ATRNL1: variants seen among roughly 807,000 people sequenced by gnomAD.
ATRNL1 encodes attractin like 1, also known as attractin-like protein 1.
Under a neutral mutation model 182.7 loss-of-function variants are expected in ATRNL1, and 95 were observed. The observed-to-expected ratio is 0.52, with a 90% CI of 0.44 to 0.62. The LOEUF (loss-of-function observed/expected upper bound fraction) is 0.62. Ranked by LOEUF, ATRNL1 falls within the 20% of genes least tolerant of loss-of-function variation. ATRNL1 has a pLI of 0.00. For synonymous variants in ATRNL1, 576 were observed against 568.3 expected (o/e 1.01, Z -0.19); for missense variants, 1,471 against 1,679.5 (o/e 0.88, Z 2.17).
chr10:115,365,932 T>G (rs1320979430), intron 19 of ATRNL1, among the ~76,000 whole-genome samples: 2 of 152,218 alleles, frequency 1.3e-5, no homozygotes, highest in African/African-American at 4.8e-5. Context: ...AGGAGAGCTT[T>G]ACTTCCAAGT....
chr10:115,336,982 G>GT (rs527762406), intron 19 of ATRNL1, among the ~76,000 whole-genome samples: 17 of 147,056 alleles, frequency 1.2e-4, no homozygotes, highest in Non-Finnish European at 2.2e-4. Flanking sequence ...AGTAGCTGGG[G>GT]GGGGGGGACT....
chr10:115,895,672 C>A (rs1388701932), intron 28 of ATRNL1, among the ~76,000 whole-genome samples: 4 of 152,088 alleles, frequency 2.6e-5, no homozygotes, highest in African/African-American at 9.7e-5. Context: ...AAGACTCGGA[C>A]CCGGTGGTCA....
intron 18 of ATRNL1, among the ~76,000 whole-genome samples, chr10:115,323,826 G>A (rs1288303221): frequency 1.3e-5 from 2 of 151,416 alleles, no homozygotes; most frequent in Non-Finnish European, 2.9e-5. Flanking sequence ...TGCCCAGCCT[G>A]GAGTGCAGTG....
chr10:115,760,868 G>A (rs530089388), intron 27 of ATRNL1, among the ~76,000 whole-genome samples: 1 of 152,154 alleles, frequency 6.6e-6, no homozygotes, highest in Non-Finnish European at 1.5e-5. Flanking sequence ...ACTACAGAAG[G>A]CTGGTCAATA....
chr10:115,467,499 G>A (rs1432469387), intron 23 of ATRNL1, among the ~76,000 whole-genome samples: 6 of 150,658 alleles, frequency 4.0e-5, no homozygotes, highest in African/African-American at 1.5e-4. Context: ...ATTTTTAAGT[G>A]GCAGTGTTAT....
At chr10:115,362,955 A>G (rs1219227539) in intron 19 of ATRNL1, among the ~76,000 whole-genome samples, 1 of 152,088 alleles carries the variant, frequency 6.6e-6, no homozygotes, top group African/African-American at 2.4e-5. Context: ...AGTCTTTGCT[A>G]TTGTGAATAG....
At chr10:115,389,573 T>TATATATATAC (rs1554953867) in intron 19 of ATRNL1, among the ~76,000 whole-genome samples, 1 of 119,272 alleles carries the variant, frequency 8.4e-6, no homozygotes, top group Non-Finnish European at 1.8e-5. Flanking sequence ...TATATATATA[T>TATATATATAC]ATATATATAT....
At position 115,745,938 on chromosome 10, in the gene ATRNL1, T is replaced by C. The variant is rs545488908; in HGVS notation, c.3903+18583T>C. ...TGCTTAAAAAACAAGAATCCAAAAA[T>C]TGAATTTTGGAAAATATCTTCATAA... On this transcript the variant is annotated intron_variant, in intron 27 of 28. Coordinates refer to ENST00000355044, the MANE Select transcript of ATRNL1 (RefSeq NM_207303.4). Among the ~76,000 whole-genome samples the C allele has an allele frequency of 5.3e-5, 8 of 152,298 alleles. No individual in the cohort carries two copies. The South Asian group carries it at 1.4e-3, about 28-fold the overall frequency.
At chr10:115,318,190 T>TA (rs1854399442) in intron 18 of ATRNL1, among the ~76,000 whole-genome samples, 1 of 152,196 alleles carries the variant, frequency 6.6e-6, no homozygotes, top group African/African-American at 2.4e-5. Flanking sequence ...TGCGAGGAGT[T>TA]ACGTTTATTG....
chr10:115,152,132 G>A (rs1436053282), intron 5 of ATRNL1, among the ~76,000 whole-genome samples: 1 of 151,650 alleles, frequency 6.6e-6, no homozygotes, highest in African/African-American at 2.4e-5. Context: ...TAGTATAGTT[G>A]GAAGTCAGGT....
chr10:115,313,422 C>G (rs1358751728), intron 17 of ATRNL1, among the ~76,000 whole-genome samples: 1 of 152,038 alleles, frequency 6.6e-6, no homozygotes, highest in Non-Finnish European at 1.5e-5. Context: ...TCATAGAGAG[C>G]CTTTTCATGG....
At chr10:115,676,600 T>A (rs1211144058) in intron 26 of ATRNL1, among the ~76,000 whole-genome samples, 1 of 151,162 alleles carries the variant, frequency 6.6e-6, no homozygotes, top group East Asian at 1.9e-4. Flanking sequence ...ATATATATAT[T>A]TATGATTCAG....
At chr10:115,165,667 T>A (rs1322273036) in intron 7 of ATRNL1, 22 bp downstream of exon 7, 2 of 1,403,806 alleles carry the variant, frequency 1.4e-6, no homozygotes, top group Non-Finnish European at 1.9e-6. Flanking sequence ...GCTTTTTAAA[T>A]TTTAATCAGA....
intron 26 of ATRNL1, among the ~76,000 whole-genome samples, chr10:115,560,146 G>T (rs1312834298): frequency 6.6e-6 from 1 of 152,040 alleles, no homozygotes; most frequent in East Asian, 1.9e-4. Context: ...GCATCAATAA[G>T]AATAAAATAC....
chr10:115,947,881 G>T lies in ATRNL1; in HGVS notation c.*3102G>T, dbSNP rs2133657621. On this transcript the variant is annotated 3_prime_UTR_variant, in exon 29 of 29. Transcript: ENST00000355044. ...CTTCCATCTGTAAAGGGCGGTAATG[G>T]TGCCCACCTTTCGAGGCATTGCGAG... The T allele has an allele frequency of 6.6e-6, 1 of 152,298 alleles. No homozygotes were observed. The allele number at this position is 152,298 out of a possible 1,614,324, so 9.4% of individuals were successfully genotyped here.
chr10:115,194,217 T>C (rs961293717), intron 8 of ATRNL1, among the ~76,000 whole-genome samples: 9 of 151,994 alleles, frequency 5.9e-5, no homozygotes, highest in African/African-American at 1.9e-4. Context: ...TGGTCTGTAG[T>C]GCAGATTAAG....
intron 26 of ATRNL1, among the ~76,000 whole-genome samples, chr10:115,636,638 A>G (rs1279881638): frequency 6.6e-6 from 1 of 152,240 alleles, no homozygotes; most frequent in Non-Finnish European, 1.5e-5. Flanking sequence ...CATCTTTTAT[A>G]GGAAATAGTT....
At chr10:115,679,906 A>T (rs1204575372) in intron 26 of ATRNL1, among the ~76,000 whole-genome samples, 1 of 152,122 alleles carries the variant, frequency 6.6e-6, no homozygotes, top group Non-Finnish European at 1.5e-5. Flanking sequence ...CCCTGTTAAA[A>T]GTAGTCAACA....
chr10:115,925,075 T>C (rs1215302551), intron 28 of ATRNL1, among the ~76,000 whole-genome samples: 1 of 152,172 alleles, frequency 6.6e-6, no homozygotes, highest in African/African-American at 2.4e-5. Flanking sequence ...AAGGAATGCT[T>C]GTGATTTTTG....
Sources: allele counts gnomAD v4.1 joint callset (sites outside exome capture counted in the v4.1 genomes callset), GRCh38; gene constraint gnomAD v4.1.1; transcripts MANE v1.5; gene names NCBI Gene and HGNC (gene_info 2026-07-23, HGNC 2026-07-21).